Variants in TENM2 observed in about 807,000 individuals in gnomAD.
TENM2 encodes teneurin transmembrane protein 2.
In TENM2, 52 loss-of-function variants were observed where a neutral mutation model predicts 245.2. That is an observed-to-expected ratio of 0.21 (90% CI 0.17 to 0.27). The LOEUF is 0.27. Among genes scored for constraint, TENM2 ranks in the 10% least tolerant of loss-of-function variants. The probability of loss-of-function intolerance (pLI) is 1.00; values close to 1 mark genes in which losing one functional copy is unlikely to be tolerated. For missense variants in TENM2, 3,046 were observed against 3,666.8 expected (o/e 0.83, Z 4.37); for synonymous variants, 1,363 against 1,438.9 (o/e 0.95, Z 1.19).
chr5:167,375,516 C>A (rs1760695831), intron 2 of TENM2, 43 bp downstream of exon 4: 3 of 1,519,354 alleles, frequency 2.0e-6, no homozygotes, highest in South Asian at 1.2e-5. Context: ...CTGTGCACTG[C>A]ACCACGTGGG....
chr5:168,167,583 G>A (rs1758417979), intron 13 of TENM2, among the ~76,000 whole-genome samples: 1 of 152,184 alleles, frequency 6.6e-6, no homozygotes, highest in South Asian at 2.1e-4. Flanking sequence ...GGCTGAGCCT[G>A]TCCCGTCACC....
intron 2 of TENM2, among the ~76,000 whole-genome samples, chr5:167,525,587 A>C (rs1400092085): frequency 6.6e-6 from 1 of 152,166 alleles, no homozygotes; most frequent in East Asian, 1.9e-4. Flanking sequence ...CTCTTTATAG[A>C]AGACACTCTG....
chr5:167,110,158 G>C, the TENM2 span, among the ~76,000 whole-genome samples: 1 of 152,156 alleles, frequency 6.6e-6, no homozygotes, highest in Non-Finnish European at 1.5e-5. Flanking sequence ...TTTGCCCTTT[G>C]GCTAATCCTT....
rs200752272 is a variant in TENM2, at chr5:167,774,214, G to GAGGAAGGAAGGAAGGAAGGA, written c.503-101750_503-101731dup. On this transcript the variant is annotated intron_variant, in intron 2 of 28. Transcript: ENST00000518659. ...GGAGGGAAGGAGGAAGGGAGGGAGGGAGGAAGGAAGGAAGGAAGGAAGGAA... is the reference window on the plus strand; with the variant it reads ...GGAGGGAAGGAGGAAGGGAGGGAGGGAGGAAGGAAGGAAGGAAGGAAGGAAGGAAGGAAGGAAGGAAGGAA... 6.0e-3 allele frequency among the ~76,000 whole-genome samples: 667 copies of GAGGAAGGAAGGAAGGAAGGA among 111,410 alleles called. 13 individuals carry two copies. Among genetic ancestry groups the GAGGAAGGAAGGAAGGAAGGA allele is most frequent in the African/African-American group, 0.026 (600 of 23,526 alleles). 73.1% of individuals were successfully genotyped at this position (111,410 alleles called of 152,430 possible). A position where few individuals can be genotyped will look rare whatever the true frequency, so the allele number is the denominator to read the frequency against.
the TENM2 span, among the ~76,000 whole-genome samples, chr5:167,062,854 C>T: frequency 6.6e-6 from 1 of 152,128 alleles, no homozygotes; most frequent in Non-Finnish European, 1.5e-5. Context: ...ATCCAAAGGT[C>T]GAAGGAGCTA....
intron 2 of TENM2, among the ~76,000 whole-genome samples, chr5:167,533,410 A>G (rs936786593): frequency 3.9e-5 from 6 of 151,976 alleles, no homozygotes; most frequent in African/African-American, 1.5e-4. Context: ...ATGCAGAGAA[A>G]TTGGCCAGGT....
At chr5:167,642,674 A>G (rs1779691072) in intron 2 of TENM2, among the ~76,000 whole-genome samples, 1 of 152,248 alleles carries the variant, frequency 6.6e-6, no homozygotes, top group African/African-American at 2.4e-5. Flanking sequence ...AGAGAGAAAG[A>G]AAAAGTGTAG....
the TENM2 span, among the ~76,000 whole-genome samples, chr5:167,142,506 C>A: frequency 6.6e-6 from 1 of 151,798 alleles, no homozygotes; most frequent in African/African-American, 2.4e-5. Flanking sequence ...AGACTAAGAA[C>A]AAACACATAG....
the TENM2 span, among the ~76,000 whole-genome samples, chr5:167,115,105 A>T: frequency 6.6e-6 from 1 of 152,196 alleles, no homozygotes; most frequent in Admixed American, 6.5e-5. Flanking sequence ...TACGTTTAAA[A>T]ATAAGAAACT....
At chr5:168,161,817 TACACACACACAC>T (rs113801768) in intron 12 of TENM2, among the ~76,000 whole-genome samples, 1 of 147,256 alleles carries the variant, frequency 6.8e-6, no homozygotes, top group Non-Finnish European at 1.5e-5. Context: ...AGCGCATGTA[TACACACACACAC>T]ACACACACAC....
intron 2 of TENM2, among the ~76,000 whole-genome samples, chr5:167,855,355 T>G (rs980791951): frequency 1.3e-5 from 2 of 152,118 alleles, no homozygotes; most frequent in African/African-American, 4.8e-5. Context: ...TTCCCTACTC[T>G]CCTTACCTTT....
At chr5:167,826,756 T>C (rs1768003097) in intron 2 of TENM2, among the ~76,000 whole-genome samples, 1 of 152,226 alleles carries the variant, frequency 6.6e-6, no homozygotes, top group African/African-American at 2.4e-5. Context: ...ACTTAAGTTC[T>C]CTGAGCTTTG....
intron 2 of TENM2, among the ~76,000 whole-genome samples, chr5:167,663,449 T>C (rs545249940): frequency 6.6e-6 from 1 of 152,330 alleles, no homozygotes; most frequent in Non-Finnish European, 1.5e-5. Context: ...GAATAAACTC[T>C]TTTTCTCTGT....
intron 2 of TENM2, among the ~76,000 whole-genome samples, chr5:167,572,574 C>T (rs537646286): frequency 1.2e-4 from 19 of 152,234 alleles, no homozygotes; most frequent in African/African-American, 3.4e-4. Flanking sequence ...GTCATTTTCA[C>T]CAATAACTTA....
At chr5:167,970,013 C>T (rs772126590) in intron 4 of TENM2, among the ~76,000 whole-genome samples, 1 of 152,206 alleles carries the variant, frequency 6.6e-6, no homozygotes, top group Non-Finnish European at 1.5e-5. Flanking sequence ...CACAGACCAA[C>T]TCAGGCCACA....
In TENM2 at chr5:167,703,917, G is replaced by A. The variant is rs180835958; in HGVS notation, c.503-172069G>A. ...CAAAAGTTTGTGTTTGGTTTTTGTG[G>A]TTATTTAACCCCTCTTTCCAGCCCC... On this transcript the variant is annotated intron_variant, in intron 2 of 28. Coordinates refer to ENST00000518659, the Ensembl canonical transcript of TENM2. Among the ~76,000 whole-genome samples the A allele has an allele frequency of 8.5e-5, 13 of 152,274 alleles. No individual in the cohort carries two copies. In the East Asian group the frequency reaches 2.3e-3, roughly 27 times the overall value.
At chr5:168,229,535 A>AAAAT (rs34797590) in intron 25 of TENM2, 8 of 151,772 alleles carry the variant, frequency 5.3e-5, no homozygotes, top group East Asian at 3.9e-4. Flanking sequence ...CTAATAAATA[A>AAAAT]AAATAAATAA....
At chr5:167,740,707 G>A (rs1761121591) in intron 2 of TENM2, among the ~76,000 whole-genome samples, 1 of 152,178 alleles carries the variant, frequency 6.6e-6, no homozygotes. Context: ...ACCCGTGAGA[G>A]GGATCTGATA....
At chr5:167,460,603 C>CT (rs70976431) in intron 2 of TENM2, among the ~76,000 whole-genome samples, 49 of 148,874 alleles carry the variant, frequency 3.3e-4, no homozygotes, top group African/African-American at 6.9e-4. Context: ...GGCAAAACGT[C>CT]TTTTTTTTTT....
Sources: allele counts gnomAD v4.1 joint callset (sites outside exome capture counted in the v4.1 genomes callset), GRCh38; gene constraint gnomAD v4.1.1; transcripts MANE v1.5; gene names NCBI Gene and HGNC (gene_info 2026-07-23, HGNC 2026-07-21).